The following PSG3 variants were observed in gnomAD, a reference collection of about 807,000 sequenced individuals.
The protein encoded by PSG3 is pregnancy-specific beta-1-glycoprotein 3.
In PSG3, 61 loss-of-function variants were observed where a neutral mutation model predicts 47.5. The ratio of observed to expected loss-of-function variants is 1.28; its 90% CI spans 1.05 to 1.59. The LOEUF is 1.59. Ranked by LOEUF, PSG3 falls within the 40% of genes most tolerant of loss-of-function variation. PSG3 has a pLI of 0.00. For synonymous variants in PSG3, 263 were observed against 198.4 expected (o/e 1.33, Z -2.74); for missense variants, 756 against 524.0 (o/e 1.44, Z -4.32).
Position 42,732,988 on chromosome 19 carries a change from A to T in PSG3, c.505T>A (p.Cys169Ser). The T allele has an allele frequency of 2.5e-6, 4 of 1,614,154 alleles. No homozygotes were observed. The highest frequency in any genetic ancestry group is 2.5e-6 in the Non-Finnish European group (3 of 1,180,024). Reference sequence around the variant, plus strand: ...CTTGCGTCCGGAGTCTCAGGATCACAGGTTAAGCTCACAGCCTCCATGTCC... The same window carrying T: ...CTTGCGTCCGGAGTCTCAGGATCACTGGTTAAGCTCACAGCCTCCATGTCC... ...REDMEAVSLT[C>S]DPETPDASYL... Residue 169 changes from cysteine (C) to serine (S), a missense_variant, in exon 3 of 7, where the codon TGT becomes AGT. Cys to Ser is a moderately radical substitution (Grantham distance 112). Transcript: ENST00000327495.
intron 1 of PSG3, 106 bp from the exon 2 acceptor site, chr19:42,739,195 G>GAC (rs372182118): frequency 1.3e-4 from 180 of 1,387,870 alleles, no homozygotes; most frequent in East Asian, 2.3e-4. Context: ...GCTTTGAAGA[G>GAC]ACACACACAC....
At chr19:42,725,374 C>G (rs1351852205) in intron 5 of PSG3, among the ~76,000 whole-genome samples, 1 of 151,948 alleles carries the variant, frequency 6.6e-6, no homozygotes, top group Non-Finnish European at 1.5e-5. Flanking sequence ...GAAGAACAAA[C>G]TAAACCCAAG....
In PSG3 at chr19:42,738,856, T is replaced by C. The variant is rs1194080762; in HGVS notation, c.298A>G (p.Thr100Ala). The change falls in exon 2 of 7, where the codon ACA becomes GCA. Residue 100 changes from threonine (T) to alanine (A), a missense_variant. Coordinates refer to ENST00000327495, the MANE Select transcript of PSG3 (RefSeq NM_021016.4). Reference protein sequence around the residue: ...IYGPAYSGRETVYSNASLLIQ... With the variant: ...IYGPAYSGREAVYSNASLLIQ... ...AGCAGGGATGCATTGGAATATACTG[T>C]TTCTCGTCCACTGTATGCAGGCCCA... The C allele has an allele frequency of 6.2e-7, 1 of 1,614,170 alleles. No homozygotes were observed. Among genetic ancestry groups the C allele is most frequent in the Admixed American group, 1.7e-5 (1 of 60,024 alleles).
At position 42,734,624 on chromosome 19, in the gene PSG3, A is replaced by G. The variant is rs186363769; in HGVS notation, c.431-1562T>C. Among the ~76,000 whole-genome samples, 11 of 152,336 alleles carry G rather than the reference A, an allele frequency of 7.2e-5. No homozygotes were observed. In the East Asian group the frequency reaches 2.1e-3, roughly 29 times the overall value. ...GTAGTATTTCTCTTGAGACCAAAATAAGGTTTAGGTGTGCCGTGAATTCCA... is the reference window on the plus strand; with the variant it reads ...GTAGTATTTCTCTTGAGACCAAAATGAGGTTTAGGTGTGCCGTGAATTCCA... On this transcript the variant is annotated intron_variant, in intron 2 of 6. Transcript: ENST00000327495.
chr19:42,729,496 C>A lies in PSG3; in HGVS notation c.989-119G>T, dbSNP rs1010903227. 5.7e-4 allele frequency: 858 copies of A among 1,501,014 alleles called. 2 individuals carry two copies. Among genetic ancestry groups the A allele is most frequent in the Non-Finnish European group, 6.0e-4 (672 of 1,120,342 alleles). 93.0% of individuals were successfully genotyped at this position (1,501,014 alleles called of 1,614,324 possible). A position where few individuals can be genotyped will look rare whatever the true frequency, so the allele number is the denominator to read the frequency against. On this transcript the variant is annotated intron_variant, in intron 4 of 6. Coordinates refer to ENST00000327495, the MANE Select transcript of PSG3 (RefSeq NM_021016.4). ...GACACACCCTCAAGTGCCAGCCAAA[C>A]CCCCTCTATGTTCACTGAGCTGAAG...
chr19:42,736,569 T>A (rs1158466668), intron 2 of PSG3, among the ~76,000 whole-genome samples: 1 of 151,470 alleles, frequency 6.6e-6, no homozygotes, highest in South Asian at 2.1e-4. Flanking sequence ...AGACTTGGAG[T>A]CATTAAAATC....
chr19:42,729,863 C>T lies in PSG3; in HGVS notation c.903G>A (p.Thr301=), dbSNP rs764331640. The T allele has an allele frequency of 1.8e-5, 29 of 1,612,844 alleles. No homozygotes were observed. The East Asian group carries it at 4.5e-4, about 25-fold the overall frequency. The stretch of plus-strand genomic sequence containing the variant: ...ATTGATAGGGTCCTGTTTCATTTCT[C>T]GTGACACTGGGTAGAATGAGGATCC... The part of the protein sequence containing the change: ...ENRILILPSV[T]RNETGPYQCE... Residue 301 remains threonine, a synonymous_variant, in exon 4 of 7, where the codon ACG becomes ACA. Coordinates refer to ENST00000327495, the MANE Select transcript of PSG3 (RefSeq NM_021016.4).
chr19:42,736,875 A>G (rs1363697668), intron 2 of PSG3, among the ~76,000 whole-genome samples: 9 of 151,892 alleles, frequency 5.9e-5, no homozygotes, highest in Admixed American at 3.3e-4. Context: ...CACCTTTCCT[A>G]TTTCCTGGGA....
rs201016169 is a variant in PSG3, at chr19:42,729,176, C to G, written c.1190G>C (p.Arg397Pro). The G allele has an allele frequency of 3.1e-6, 5 of 1,613,838 alleles. No homozygotes were observed. Among genetic ancestry groups the G allele is most frequent in the Middle Eastern group, 1.6e-4 (1 of 6,078 alleles). ...GCTTTCCATGCCAGTGGCTGAGTTA[C>G]GAACAGAGCAAGCATAGAGCCCGCT... ...KHSGLYACSV[R>P]NSATGMESSK... Residue 397 changes from arginine (R) to proline (P), a missense_variant, in exon 5 of 7, where the codon CGT becomes CCT. Physicochemically the swap from Arg to Pro is moderately radical, Grantham distance 103 (BLOSUM62 -2). Transcript: ENST00000327495.
At chr19:42,739,383 C>G in intron 1 of PSG3, 1 of 398,746 alleles carries the variant, frequency 2.5e-6, no homozygotes, top group Non-Finnish European at 4.5e-6. Flanking sequence ...TCCACACTGC[C>G]CTCAGGTCCT....
intron 2 of PSG3, among the ~76,000 whole-genome samples, chr19:42,735,777 C>G (rs765318163): frequency 4.1e-4 from 62 of 152,314 alleles, no homozygotes; most frequent in Middle Eastern, 3.4e-3. Flanking sequence ...AGCCAGAAGT[C>G]TCTAGGAAGT....
intron 5 of PSG3, among the ~76,000 whole-genome samples, chr19:42,725,673 A>T (rs186886235): frequency 1.5e-4 from 23 of 152,238 alleles, no homozygotes; most frequent in African/African-American, 5.5e-4. Flanking sequence ...AGCATAGGTA[A>T]CCTGGGGAGA....
intron 5 of PSG3, among the ~76,000 whole-genome samples, chr19:42,724,913 G>T (rs372904704): frequency 3.9e-5 from 6 of 151,922 alleles, no homozygotes; most frequent in South Asian, 2.1e-4. Flanking sequence ...ACTGTTGAGG[G>T]GCACTTCCTA....
At chr19:42,728,737 G>C (rs1200442552) in intron 5 of PSG3, among the ~76,000 whole-genome samples, 2 of 152,190 alleles carry the variant, frequency 1.3e-5, no homozygotes, top group African/African-American at 4.8e-5. Context: ...CAAAGCCTCG[G>C]ATGTTCCTTG....
intron 5 of PSG3, among the ~76,000 whole-genome samples, chr19:42,725,310 A>G (rs1010234369): frequency 5.9e-5 from 9 of 152,226 alleles, no homozygotes; most frequent in African/African-American, 2.2e-4. Context: ...CTTACATTAA[A>G]AAAGAAGAAA....
At chr19:42,729,053 T>G (rs1969420129) in intron 5 of PSG3, 70 bp downstream of exon 5, 1 of 1,611,354 alleles carries the variant, frequency 6.2e-7, no homozygotes, top group Non-Finnish European at 8.5e-7. Context: ...AATGTTTTCC[T>G]GACTCTTCTC....
At chr19:42,728,165 G>A (rs1359663084) in intron 5 of PSG3, among the ~76,000 whole-genome samples, 1 of 152,096 alleles carries the variant, frequency 6.6e-6, no homozygotes, top group African/African-American at 2.4e-5. Flanking sequence ...GGTTTAATAT[G>A]GTAAGAGGAA....
intron 5 of PSG3, among the ~76,000 whole-genome samples, chr19:42,725,525 A>G (rs915221566): frequency 5.3e-5 from 8 of 152,200 alleles, no homozygotes; most frequent in Non-Finnish European, 8.8e-5. Flanking sequence ...AACTAGATTG[A>G]CTAAGAAAAA....
chr19:42,723,919 G>A, intron 6 of PSG3, 23 bp downstream of exon 6: 1 of 1,530,048 alleles, frequency 6.5e-7, no homozygotes, highest in Non-Finnish European at 9.1e-7. Context: ...CAGGAACCAG[G>A]ATAAGAGGAA....
Sources: gnomAD v4.1 joint callset for allele counts (sites outside exome capture counted in the v4.1 genomes callset) on GRCh38, gnomAD v4.1.1 for gene constraint, MANE v1.5 for transcripts, NCBI Gene and HGNC (gene_info 2026-07-23, HGNC 2026-07-21) for gene names.